ZBTB16: variants seen among roughly 807,000 people sequenced by gnomAD.
ZBTB16 encodes the protein zinc finger and BTB domain containing 16.
ZBTB16 carries 8 observed loss-of-function variants against 56.8 expected under a neutral mutation model. The observed-to-expected ratio is 0.14, with a 90% CI of 0.08 to 0.25. The LOEUF (loss-of-function observed/expected upper bound fraction) is 0.25, where lower values mean the gene tolerates loss of function less well. ZBTB16 is among the 10% of genes least tolerant of loss of function. The pLI is 1.00. For synonymous variants in ZBTB16, 363 were observed against 368.5 expected (o/e 0.98, Z 0.17); for missense variants, 625 against 903.0 (o/e 0.69, Z 3.95).
intron 2 of ZBTB16, among the ~76,000 whole-genome samples, chr11:114,084,961 T>G (rs1939907177): frequency 6.6e-6 from 1 of 152,212 alleles, no homozygotes; most frequent in South Asian, 2.1e-4. Context: ...GTTCAATGAT[T>G]GAGGACTCTT....
Position 114,070,397 on chromosome 11 carries a change from C to A in ZBTB16, c.1268+5829C>A, listed in dbSNP as rs528440719. Among the ~76,000 whole-genome samples the A allele has an allele frequency of 2.6e-5, 4 of 152,164 alleles. No individual in the cohort carries two copies. The East Asian group carries it at 7.7e-4, about 29-fold the overall frequency. On this transcript the variant is annotated intron_variant, in intron 2 of 6. Coordinates refer to ENST00000335953, the MANE Select transcript of ZBTB16 (RefSeq NM_006006.6). ...TGCTGGGATTACAGGCGTGAGCCACCGCGCCCGGCCCAGAGTACCTTTCTA... is the reference window on the plus strand; with the variant it reads ...TGCTGGGATTACAGGCGTGAGCCACAGCGCCCGGCCCAGAGTACCTTTCTA...
chr11:114,167,232 G>GTTTTTTTTTTTTTTTTTTTTTTT (rs58946694), intron 3 of ZBTB16, among the ~76,000 whole-genome samples: 15 of 88,716 alleles, frequency 1.7e-4, no homozygotes, highest in East Asian at 3.5e-4. Flanking sequence ...TTTTTTTTTG[G>GTTTTTTTTTTTTTTTTTTTTTTT]TTTTTTTTTT....
At position 114,139,273 on chromosome 11, in the gene ZBTB16, A is replaced by C. The variant is rs573879138; in HGVS notation, c.1269-17064A>C. On this transcript the variant is annotated intron_variant, in intron 2 of 6. Transcript: ENST00000335953. Reference sequence around the variant, plus strand: ...TTCCCATTGCCAATTGCTCACACTGATCCCCAGTCCTGAAGGGGATGGGGG... The same window carrying C: ...TTCCCATTGCCAATTGCTCACACTGCTCCCCAGTCCTGAAGGGGATGGGGG... Among the ~76,000 whole-genome samples, 10 of 152,248 alleles carry C rather than the reference A, an allele frequency of 6.6e-5. No individual in the cohort carries two copies. In the South Asian group the frequency reaches 1.5e-3, roughly 22 times the overall value.
intron 2 of ZBTB16, among the ~76,000 whole-genome samples, chr11:114,146,488 G>T (rs1283608518): frequency 6.6e-6 from 1 of 152,052 alleles, no homozygotes; most frequent in African/African-American, 2.4e-5. Context: ...TGGTTGAGAT[G>T]ATCCTCAGGA....
intron 2 of ZBTB16, among the ~76,000 whole-genome samples, chr11:114,110,279 G>A (rs1171978981): frequency 9.2e-5 from 14 of 152,168 alleles, no homozygotes; most frequent in Admixed American, 8.5e-4. Context: ...CAGTCACAGA[G>A]CAGTCTTCTG....
chr11:114,084,896 T>G (rs2137707560), intron 2 of ZBTB16, among the ~76,000 whole-genome samples: 1 of 152,344 alleles, frequency 6.6e-6, no homozygotes, highest in East Asian at 1.9e-4. Context: ...TCTGCCCACC[T>G]TGGAGCCCTG....
intron 3 of ZBTB16, among the ~76,000 whole-genome samples, chr11:114,161,046 T>C (rs1270352117): frequency 3.9e-5 from 6 of 152,212 alleles, no homozygotes; most frequent in Admixed American, 3.3e-4. Flanking sequence ...GGATCTGGCA[T>C]TGAAGCATCT....
intron 2 of ZBTB16, among the ~76,000 whole-genome samples, chr11:114,091,834 C>T (rs984026723): frequency 9.2e-5 from 14 of 152,226 alleles, no homozygotes; most frequent in African/African-American, 3.4e-4. Context: ...CTCCCCTCCC[C>T]CTCTCCTAAG....
chr11:114,080,820 G>T (rs1939731435), intron 2 of ZBTB16, among the ~76,000 whole-genome samples: 1 of 152,212 alleles, frequency 6.6e-6, no homozygotes, highest in South Asian at 2.1e-4. Flanking sequence ...TTTTCGGAAG[G>T]TTGAGGAATA....
rs753275180 is a variant in ZBTB16, at chr11:114,186,984, G to A, written c.1399G>A (p.Gly467Ser). 1.1e-5 allele frequency: 18 copies of A among 1,613,880 alleles called. No homozygotes were observed. Among genetic ancestry groups the A allele is most frequent in the Admixed American group, 6.7e-5 (4 of 59,992 alleles). ...CAAAGCCTTTGTCTGTGATCAGTGC[G>A]GTGCACAGTTTTCGAAGGAGGATGC... Reference protein sequence around the residue: ...GAKAFVCDQCGAQFSKEDALE... With the variant: ...GAKAFVCDQCSAQFSKEDALE... The change falls in exon 4 of 7, where the codon GGT (glycine) becomes AGT (serine). Residue 467 changes from glycine to serine, a missense_variant. Transcript: ENST00000335953.
rs558949530 is a variant in ZBTB16 at position 114,255,244 on chromosome 11, G to A, written c.*4689G>A. Among the ~76,000 whole-genome samples, 6 of 152,178 alleles carry A rather than the reference G, an allele frequency of 3.9e-5. No homozygotes were observed. The highest frequency in any genetic ancestry group is 1.2e-4 in the African/African-American group (5 of 41,522). On this transcript the variant is annotated 3_prime_UTR_variant, in exon 7 of 7. Coordinates refer to ENST00000335953, the MANE Select transcript of ZBTB16 (RefSeq NM_006006.6). ...TTGTTTTTGTGGCTTGTCTTATGTC[G>A]TGATAGCACAAGTGCCAGTCGGATT... is the stretch of plus-strand genomic sequence containing the variant.
intron 1 of ZBTB16, among the ~76,000 whole-genome samples, chr11:114,062,576 T>C (rs910222582): frequency 2.6e-5 from 4 of 152,346 alleles, no homozygotes; most frequent in African/African-American, 9.6e-5. Context: ...GGTCTGCCAG[T>C]GCTTTGCAGC....
intron 4 of ZBTB16, among the ~76,000 whole-genome samples, chr11:114,217,448 C>G (rs556345612): frequency 6.6e-6 from 1 of 152,100 alleles, no homozygotes; most frequent in Admixed American, 6.6e-5. Flanking sequence ...GCAAGAGGAC[C>G]TAGAGGCCTT....
chr11:114,127,648 G>A (rs143471678), intron 2 of ZBTB16, among the ~76,000 whole-genome samples: 62 of 152,346 alleles, frequency 4.1e-4, no homozygotes, highest in Non-Finnish European at 7.6e-4. Context: ...TCAATAGTTA[G>A]AGGAGGGAAG....
At chr11:114,088,636 A>C (rs1382968513) in intron 2 of ZBTB16, among the ~76,000 whole-genome samples, 1 of 152,146 alleles carries the variant, frequency 6.6e-6, no homozygotes, top group South Asian at 2.1e-4. Context: ...CCTGATGGCC[A>C]GGGTGTTCCT....
In ZBTB16 at chr11:114,084,307, C is replaced by G. The variant is rs529280428; in HGVS notation, c.1268+19739C>G. On this transcript the variant is annotated intron_variant, in intron 2 of 6. Coordinates refer to ENST00000335953, the MANE Select transcript of ZBTB16 (RefSeq NM_006006.6). The stretch of plus-strand genomic sequence containing the variant: ...TGTAGGGGTCTGGCTTAGAGATGGT[C>G]GGGGGAGAGAAGGTGGTGATTTAAA... Among the ~76,000 whole-genome samples, 10 of 152,088 alleles carry G rather than the reference C, an allele frequency of 6.6e-5. No homozygotes were observed. The East Asian group carries it at 1.9e-3, about 30-fold the overall frequency.
In ZBTB16 at chr11:114,206,920, A is replaced by G. The variant is rs188185879; in HGVS notation, c.1453+19882A>G. Among the ~76,000 whole-genome samples, 508 of 152,226 alleles carry G rather than the reference A, an allele frequency of 3.3e-3. 4 individuals carry two copies. Among genetic ancestry groups the G allele is most frequent in the African/African-American group, 0.012 (486 of 41,542 alleles). ...ATCTCTCAGGTGCCCTTGGTTTGAC[A>G]GCTGCAGCTTGTTGGTCTGAAGGCA... On this transcript the variant is annotated intron_variant, in intron 4 of 6. Coordinates refer to ENST00000335953, the MANE Select transcript of ZBTB16 (RefSeq NM_006006.6).
At chr11:114,176,207 C>G (rs918447875) in intron 3 of ZBTB16, among the ~76,000 whole-genome samples, 1 of 152,084 alleles carries the variant, frequency 6.6e-6, no homozygotes, top group African/African-American at 2.4e-5. Flanking sequence ...GAACTTCTCT[C>G]CTGAGAATCC....
chr11:114,084,488 T>TA (rs763541557), intron 2 of ZBTB16, among the ~76,000 whole-genome samples: 8 of 151,588 alleles, frequency 5.3e-5, no homozygotes, highest in Non-Finnish European at 1.0e-4. Context: ...AGAAATTCAT[T>TA]ATTTAGAGGG....
Sources: gnomAD v4.1 joint callset for allele counts (sites outside exome capture counted in the v4.1 genomes callset) on GRCh38, gnomAD v4.1.1 for gene constraint, MANE v1.5 for transcripts, NCBI Gene and HGNC (gene_info 2026-07-23, HGNC 2026-07-21) for gene names.